The following TEN1 variants were observed in gnomAD, a reference collection of about 807,000 sequenced individuals.
TEN1 encodes TEN1 subunit of CST complex, also known as CST complex subunit TEN1.
In TEN1, 6 loss-of-function variants were observed where a neutral mutation model predicts 9.3. The ratio of observed to expected loss-of-function variants is 0.65; its 90% CI spans 0.35 to 1.27. The LOEUF is 1.27. Ranked by LOEUF, TEN1 falls within the 50% of genes most tolerant of loss-of-function variation. The pLI is 0.03. For synonymous variants in TEN1, 65 were observed against 65.6 expected (o/e 0.99, Z 0.04); for missense variants, 149 against 158.2 (o/e 0.94, Z 0.31).
At chr17:75,980,688 G>A (rs975121638) in intron 1 of TEN1, among the ~76,000 whole-genome samples, 1 of 152,200 alleles carries the variant, frequency 6.6e-6, no homozygotes, top group African/African-American at 2.4e-5. Context: ...CTCCCAAAGC[G>A]CCGGGATTAC....
intron 1 of TEN1, among the ~76,000 whole-genome samples, chr17:75,982,615 T>C (rs1028579846): frequency 3.9e-5 from 6 of 152,202 alleles, no homozygotes; most frequent in African/African-American, 1.4e-4. Flanking sequence ...GACAAGGCCT[T>C]GCTCTGTCAC....
In TEN1 at chr17:75,995,525, G is replaced by A. The variant is rs183906792; in HGVS notation, c.250+3902G>A. Among the ~76,000 whole-genome samples the A allele has an allele frequency of 2.6e-5, 4 of 152,306 alleles. No individual in the cohort carries two copies. In the South Asian group the frequency reaches 6.2e-4, roughly 24 times the overall value. On this transcript the variant is annotated intron_variant, in intron 3 of 3. Coordinates refer to ENST00000397640, the MANE Select transcript of TEN1 (RefSeq NM_001113324.3). Reference sequence around the variant, plus strand: ...ACCCTTCTCAAATGTTTGCCTAAGAGCTAGCTAAGAAGACCAACAGGTGAA... The same window carrying A: ...ACCCTTCTCAAATGTTTGCCTAAGAACTAGCTAAGAAGACCAACAGGTGAA...
Position 75,979,256 on chromosome 17 carries a change from G to A in TEN1, c.-262G>A, listed in dbSNP as rs1171725485. 6.2e-6 allele frequency: 5 copies of A among 808,468 alleles called. No individual in the cohort carries two copies. Among genetic ancestry groups the A allele is most frequent in the Non-Finnish European group, 1.0e-5 (5 of 499,724 alleles). The allele number at this position is 808,468 out of a possible 1,614,324, so 50.1% of individuals were successfully genotyped here. ...CTCCGTGGCCCTTTGGCGCGTGAGT[G>A]ACAGCGGCCCAGACAGAGGGGGCGA... On this transcript the variant is annotated 5_prime_UTR_variant, in exon 1 of 4. Transcript: ENST00000397640.
At chr17:75,999,095 A>G (rs1248435372) in intron 3 of TEN1, among the ~76,000 whole-genome samples, 1 of 152,008 alleles carries the variant, frequency 6.6e-6, no homozygotes, top group East Asian at 1.9e-4. Context: ...CCTATAATCC[A>G]TGCATGTTGG....
chr17:75,983,484 ATTG>A (rs1322636112), intron 1 of TEN1, among the ~76,000 whole-genome samples: 4 of 151,992 alleles, frequency 2.6e-5, no homozygotes, highest in Non-Finnish European at 4.4e-5. Flanking sequence ...GCCCTTCATA[ATTG>A]TTATCTCCCC....
chr17:75,987,424 C>A (rs2066158460), intron 2 of TEN1, among the ~76,000 whole-genome samples: 1 of 152,170 alleles, frequency 6.6e-6, no homozygotes, highest in Admixed American at 6.5e-5. Flanking sequence ...GAAGCAGTGA[C>A]CAAGAGAAAG....
intron 1 of TEN1, among the ~76,000 whole-genome samples, chr17:75,980,831 C>A (rs2066113165): frequency 6.6e-6 from 1 of 152,218 alleles, no homozygotes; most frequent in South Asian, 2.1e-4. Flanking sequence ...ACACTCTTAA[C>A]CCCTAGGACC....
intron 3 of TEN1, among the ~76,000 whole-genome samples, chr17:75,995,898 A>G (rs1041063077): frequency 2.6e-5 from 4 of 151,684 alleles, no homozygotes; most frequent in African/African-American, 9.7e-5. Flanking sequence ...TTTGAGACCA[A>G]CCTGGGCAAC....
intron 2 of TEN1, among the ~76,000 whole-genome samples, chr17:75,987,889 C>G (rs1383038574): frequency 3.7e-5 from 5 of 133,476 alleles, no homozygotes; most frequent in Non-Finnish European, 7.8e-5. Context: ...TGCACTCCAG[C>G]CTGGGGGACA....
Position 76,000,500 on chromosome 17 carries a change from T to G in TEN1, c.*238T>G, listed in dbSNP as rs968549261. The G allele has an allele frequency of 1.7e-6, 1 of 591,708 alleles. No homozygotes were observed. The highest frequency in any genetic ancestry group is 2.7e-6 in the Non-Finnish European group (1 of 364,646). The allele number at this position is 591,708 out of a possible 1,614,324, so 36.7% of individuals were successfully genotyped here. Reference sequence around the variant, plus strand: ...CCCAGGAGACTGCAGGTGGCCGAGCTTGGGCGCCGGGGCCGTGCTTGGTGT... The same window carrying G: ...CCCAGGAGACTGCAGGTGGCCGAGCGTGGGCGCCGGGGCCGTGCTTGGTGT... On this transcript the variant is annotated 3_prime_UTR_variant, in exon 4 of 4. Transcript: ENST00000397640. The surrounding 1 kb of genome is among the most constrained non-coding windows in gnomAD (Gnocchi z 5.9).
rs112794773 is a variant in TEN1 at position 75,988,400 on chromosome 17, A to C, written c.92+2116A>C. Among the ~76,000 whole-genome samples the C allele has an allele frequency of 1.6e-3, 249 of 151,620 alleles. 1 individual carries two copies. The highest frequency in any genetic ancestry group is 4.1e-3 in the African/African-American group (170 of 41,374). ...ACATGGTGAAACCCTGTCTCTACAA[A>C]ATATACAAAAAATTAGCCAGGCATG... On this transcript the variant is annotated intron_variant, in intron 2 of 3. Coordinates refer to ENST00000397640, the MANE Select transcript of TEN1 (RefSeq NM_001113324.3).
chr17:75,982,699 T>TTTTA (rs60755863), intron 1 of TEN1, among the ~76,000 whole-genome samples: 24,108 of 150,928 alleles, frequency 0.16, 2,015 homozygotes, highest in African/African-American at 0.22. Context: ...TTGATCATAG[T>TTTTA]TTTATTTATT....
At chr17:75,980,636 G>T (rs1892704419) in intron 1 of TEN1, among the ~76,000 whole-genome samples, 1 of 152,126 alleles carries the variant, frequency 6.6e-6, no homozygotes, top group African/African-American at 2.4e-5. Flanking sequence ...TGTTGGCCAG[G>T]CTGGTCTCGA....
chr17:75,994,161 G>A (rs1379997435), intron 3 of TEN1, among the ~76,000 whole-genome samples: 2 of 151,924 alleles, frequency 1.3e-5, no homozygotes, highest in Non-Finnish European at 2.9e-5. Context: ...GTCGCTGGGC[G>A]CGGTGGCTCA....
chr17:75,981,515 A>C lies in TEN1; in HGVS notation c.-7+2004A>C, dbSNP rs536517661. On this transcript the variant is annotated intron_variant, in intron 1 of 3. Transcript: ENST00000397640. ...TGACATTAACACTTTTGAAGTGTAT[A>C]AGCCCATTGTTTTGTAGTGTTGGGT... Among the ~76,000 whole-genome samples, 30 of 152,172 alleles carry C rather than the reference A, an allele frequency of 2.0e-4. 1 individual carries two copies. The South Asian group carries it at 3.7e-3, about 19-fold the overall frequency.
At chr17:75,993,393 G>A (rs546741264) in intron 3 of TEN1, among the ~76,000 whole-genome samples, 1 of 152,162 alleles carries the variant, frequency 6.6e-6, no homozygotes, top group African/African-American at 2.4e-5. Flanking sequence ...GTGAGCTACC[G>A]CGCCTGGCCT....
At chr17:75,983,641 C>T (rs552411001) in intron 1 of TEN1, among the ~76,000 whole-genome samples, 6 of 152,282 alleles carry the variant, frequency 3.9e-5, no homozygotes, top group South Asian at 2.1e-4. Flanking sequence ...GGCCACACCA[C>T]GTGGGAGTTG....
intron 2 of TEN1, among the ~76,000 whole-genome samples, chr17:75,986,605 G>GCCTCT (rs2066153896): frequency 1.3e-5 from 2 of 152,030 alleles, no homozygotes; most frequent in African/African-American, 4.8e-5. Context: ...AGAGGCTGAG[G>GCCTCT]CAGGAGAATT....
intron 2 of TEN1, among the ~76,000 whole-genome samples, chr17:75,990,307 C>G (rs1340445412): frequency 6.6e-6 from 1 of 151,874 alleles, no homozygotes; most frequent in African/African-American, 2.4e-5. Flanking sequence ...CCTTGGCCTC[C>G]CAAAGTGCTG....
Sources: allele counts gnomAD v4.1 joint callset (sites outside exome capture counted in the v4.1 genomes callset), GRCh38; gene constraint gnomAD v4.1.1; non-coding constraint Gnocchi (gnomAD v3.1); transcripts MANE v1.5; gene names NCBI Gene and HGNC (gene_info 2026-07-23, HGNC 2026-07-21).